LRP1B: variants seen among roughly 807,000 people sequenced by gnomAD.
LRP1B encodes the protein LDL receptor related protein 1B, also known as low-density lipoprotein receptor-related protein 1B.
Under a neutral mutation model 556.6 loss-of-function variants are expected in LRP1B, and 217 were observed. The observed-to-expected ratio is 0.39, with a 90% CI of 0.35 to 0.44. The LOEUF (loss-of-function observed/expected upper bound fraction) is 0.44. LRP1B is among the 20% of genes least tolerant of loss of function. The probability of loss-of-function intolerance (pLI) is 1.00; values close to 1 mark genes in which losing one functional copy is unlikely to be tolerated. For missense variants in LRP1B, 5,053 were observed against 5,620.8 expected (o/e 0.90, Z 3.23); for synonymous variants, 2,047 against 1,865.8 (o/e 1.10, Z -2.50).
intron 2 of LRP1B, among the ~76,000 whole-genome samples, chr2:141,765,974 CA>C (rs1388023950): frequency 1.3e-5 from 2 of 152,078 alleles, no homozygotes; most frequent in Non-Finnish European, 2.9e-5. Flanking sequence ...TTCAGGGAGC[CA>C]AATATCTACT....
chr2:140,659,098 G>GTTTTTTTTTTTTTT (rs59651364), intron 41 of LRP1B, among the ~76,000 whole-genome samples: 1 of 61,098 alleles, frequency 1.6e-5, no homozygotes, highest in Non-Finnish European at 2.8e-5. Context: ...CTGTAAATCT[G>GTTTTTTTTTTTTTT]TTTTTTTTTT....
chr2:141,152,922 G>T (rs190972203), intron 7 of LRP1B, among the ~76,000 whole-genome samples: 7 of 150,778 alleles, frequency 4.6e-5, no homozygotes, highest in African/African-American at 1.7e-4. Flanking sequence ...ATTCTTTGTA[G>T]AATCTAAAAC....
intron 3 of LRP1B, among the ~76,000 whole-genome samples, chr2:141,272,878 C>A (rs1291319312): frequency 6.6e-6 from 1 of 152,072 alleles, no homozygotes; most frequent in Non-Finnish European, 1.5e-5. Context: ...AGTTGAAGAC[C>A]TCAATGTTCC....
chr2:141,507,670 T>C (rs2105144880), intron 2 of LRP1B, among the ~76,000 whole-genome samples: 1 of 152,228 alleles, frequency 6.6e-6, no homozygotes, highest in African/African-American at 2.4e-5. Flanking sequence ...ATATTTAGAT[T>C]GTATTATTTT....
chr2:140,742,260 G>A (rs183902012), intron 35 of LRP1B, among the ~76,000 whole-genome samples: 6 of 152,266 alleles, frequency 3.9e-5, no homozygotes, highest in African/African-American at 1.4e-4. Flanking sequence ...AGTGTCGAAA[G>A]GGATTATTGA....
intron 2 of LRP1B, among the ~76,000 whole-genome samples, chr2:141,587,132 T>C (rs1486742155): frequency 1.3e-5 from 2 of 152,066 alleles, no homozygotes; most frequent in Admixed American, 6.6e-5. Context: ...GCAACAAATA[T>C]GCAAAAAACT....
chr2:141,711,437 A>G (rs1032230907), intron 2 of LRP1B, among the ~76,000 whole-genome samples: 1 of 152,202 alleles, frequency 6.6e-6, no homozygotes, highest in Non-Finnish European at 1.5e-5. Flanking sequence ...TGAATTGCAG[A>G]GAAAGGCATA....
intron 35 of LRP1B, among the ~76,000 whole-genome samples, chr2:140,745,459 G>A (rs767534456): frequency 1.3e-5 from 2 of 152,074 alleles, no homozygotes; most frequent in Non-Finnish European, 2.9e-5. Context: ...GTAGAATAAA[G>A]CTTTCTTCTG....
chr2:141,660,141 G>A (rs988872362), intron 2 of LRP1B, among the ~76,000 whole-genome samples: 2 of 151,962 alleles, frequency 1.3e-5, no homozygotes, highest in African/African-American at 2.4e-5. Flanking sequence ...AGGTTCTCTT[G>A]CTGGGATTGA....
intron 22 of LRP1B, among the ~76,000 whole-genome samples, chr2:140,904,617 G>C (rs909212076): frequency 2.6e-5 from 4 of 151,956 alleles, no homozygotes; most frequent in Non-Finnish European, 5.9e-5. Context: ...AATAAGAAAA[G>C]GAAAATGATT....
chr2:140,464,929 C>T (rs1039233106), intron 60 of LRP1B, among the ~76,000 whole-genome samples: 18 of 152,196 alleles, frequency 1.2e-4, no homozygotes, highest in Admixed American at 7.8e-4. Context: ...AAAATAAAAA[C>T]GTAGAAGAGT....
intron 1 of LRP1B, among the ~76,000 whole-genome samples, chr2:142,051,675 C>A (rs1704463979): frequency 6.6e-6 from 1 of 151,912 alleles, no homozygotes; most frequent in African/African-American, 2.4e-5. Context: ...GGGGGTTTCA[C>A]CACATTGGCC....
intron 15 of LRP1B, among the ~76,000 whole-genome samples, chr2:140,996,469 T>TA (rs1329518717): frequency 2.0e-5 from 3 of 152,052 alleles, no homozygotes; most frequent in Non-Finnish European, 4.4e-5. Flanking sequence ...AGCATTTGTT[T>TA]TATAATTAAT....
At chr2:140,555,978 A>T (rs183668474) in intron 43 of LRP1B, among the ~76,000 whole-genome samples, 167 of 152,174 alleles carry the variant, frequency 1.1e-3, no homozygotes, top group African/African-American at 3.4e-3. Context: ...TTCTATTCAC[A>T]TACAATATTA....
intron 32 of LRP1B, among the ~76,000 whole-genome samples, chr2:140,802,349 G>A (rs1045346054): frequency 3.9e-5 from 6 of 152,168 alleles, no homozygotes; most frequent in Non-Finnish European, 7.3e-5. Context: ...GAATACCCCA[G>A]TGGACATTTA....
chr2:142,040,191 AT>A (rs528374059), intron 1 of LRP1B, among the ~76,000 whole-genome samples: 4 of 151,268 alleles, frequency 2.6e-5, no homozygotes, highest in East Asian at 1.9e-4. Context: ...GATTGACTTA[AT>A]TTTTTTTAAT....
At chr2:141,301,570 C>G (rs990052660) in intron 3 of LRP1B, among the ~76,000 whole-genome samples, 1 of 152,156 alleles carries the variant, frequency 6.6e-6, no homozygotes, top group Admixed American at 6.5e-5. Context: ...CTATGAGGTA[C>G]ACTTTCTTAT....
intron 1 of LRP1B, among the ~76,000 whole-genome samples, chr2:142,074,766 T>C (rs1705440381): frequency 6.6e-6 from 1 of 152,078 alleles, no homozygotes; most frequent in African/African-American, 2.4e-5. Context: ...ACAATGTTAA[T>C]TCTACTTCCA....
chr2:142,059,231 T>A (rs1179851268), intron 1 of LRP1B, among the ~76,000 whole-genome samples: 2 of 152,106 alleles, frequency 1.3e-5, no homozygotes, highest in Non-Finnish European at 2.9e-5. Context: ...TGGGAATGGT[T>A]ACACCACTCT....
Sources: gnomAD v4.1 joint callset for allele counts (sites outside exome capture counted in the v4.1 genomes callset) on GRCh38, gnomAD v4.1.1 for gene constraint, MANE v1.5 for transcripts, NCBI Gene and HGNC (gene_info 2026-07-23, HGNC 2026-07-21) for gene names.